Variants in STK3 observed in about 807,000 individuals in gnomAD.
STK3 encodes serine/threonine kinase 3.
Under a neutral mutation model 58.0 loss-of-function variants are expected in STK3, and 41 were observed. The observed-to-expected ratio is 0.71, with a 90% CI of 0.55 to 0.92. The LOEUF is 0.92. Among genes scored for constraint, STK3 ranks in the 40% least tolerant of loss-of-function variants. The pLI is 0.00. For synonymous variants in STK3, 170 were observed against 191.0 expected (o/e 0.89, Z 0.91); for missense variants, 479 against 602.7 (o/e 0.79, Z 2.15).
At chr8:98,547,112 T>C (rs932512519) in intron 9 of STK3, among the ~76,000 whole-genome samples, 5 of 152,218 alleles carry the variant, frequency 3.3e-5, no homozygotes, top group Non-Finnish European at 7.4e-5. Flanking sequence ...CTAGAAGTCA[T>C]GTAATTCTGC....
Position 98,386,443 on chromosome 8 carries a change from T to C in STK3, n.56+1749A>G, listed in dbSNP as rs530742706. On this transcript the variant is annotated intron_variant and non_coding_transcript_variant, in intron 1 of 2. Transcript: ENST00000518704. ...ATTTCTATATACCACTATGAAGTGA[T>C]TTTAAGAACATACTATTAAAAGTGG... Among the ~76,000 whole-genome samples, 18 of 152,316 alleles carry C rather than the reference T, an allele frequency of 1.2e-4. No homozygotes were observed. In the South Asian group the frequency reaches 3.7e-3, roughly 32 times the overall value.
intron 1 of STK3, among the ~76,000 whole-genome samples, chr8:98,444,843 A>C (rs1818866993): frequency 6.6e-6 from 1 of 152,204 alleles, no homozygotes; most frequent in Non-Finnish European, 1.5e-5. Context: ...TAAATATTAA[A>C]AACATCACAA....
chr8:98,389,981 C>A (rs77321572), upstream of STK3, among the ~76,000 whole-genome samples: 2,949 of 152,068 alleles, frequency 0.019, 95 homozygotes, highest in African/African-American at 0.066. Flanking sequence ...CCCCCCTTTC[C>A]CCACAGCACT....
At chr8:98,551,423 G>A (rs1586840956) in intron 8 of STK3, among the ~76,000 whole-genome samples, 1 of 152,120 alleles carries the variant, frequency 6.6e-6, no homozygotes, top group Non-Finnish European at 1.5e-5. Flanking sequence ...GTTTGTGAAA[G>A]TTGTCAGAAT....
intron 6 of STK3, among the ~76,000 whole-genome samples, chr8:98,619,711 A>T (rs1296568675): frequency 6.9e-6 from 1 of 144,872 alleles, no homozygotes; most frequent in Non-Finnish European, 1.5e-5. Flanking sequence ...AAATACATGA[A>T]AAAATGCTCA....
At chr8:98,617,689 A>G (rs1817878402) in intron 6 of STK3, among the ~76,000 whole-genome samples, 3 of 151,770 alleles carry the variant, frequency 2.0e-5, no homozygotes, top group African/African-American at 4.8e-5. Context: ...AAACACCTCT[A>G]TGCAAATAAA....
intron 1 of STK3, among the ~76,000 whole-genome samples, chr8:98,921,044 C>G (rs560043416): frequency 3.9e-5 from 6 of 152,290 alleles, no homozygotes; most frequent in African/African-American, 1.4e-4. Flanking sequence ...AAGATCTTTT[C>G]TGGGTTTCTA....
intron 4 of STK3, among the ~76,000 whole-genome samples, chr8:98,739,140 T>C (rs1159404506): frequency 6.6e-6 from 1 of 152,250 alleles, no homozygotes; most frequent in Admixed American, 6.5e-5. Context: ...TGCCTGCCTC[T>C]GTAGGCTCCA....
chr8:98,577,686 G>A (rs1178346696), intron 8 of STK3, among the ~76,000 whole-genome samples: 2 of 152,110 alleles, frequency 1.3e-5, no homozygotes, highest in Non-Finnish European at 2.9e-5. Context: ...CTGCAGCTCT[G>A]ATGAACACTT....
intron 6 of STK3, among the ~76,000 whole-genome samples, chr8:98,668,031 G>A (rs1326127951): frequency 6.6e-6 from 1 of 151,982 alleles, no homozygotes; most frequent in African/African-American, 2.4e-5. Context: ...CAGTTTCAGT[G>A]ACAAAATACA....
At chr8:98,703,709 C>T (rs1377292976) in intron 6 of STK3, among the ~76,000 whole-genome samples, 1 of 152,128 alleles carries the variant, frequency 6.6e-6, no homozygotes, top group Non-Finnish European at 1.5e-5. Context: ...TTCTAAGACA[C>T]TCATTCATTA....
intron 1 of STK3, among the ~76,000 whole-genome samples, chr8:98,930,000 C>A (rs1460686745): frequency 6.6e-6 from 1 of 152,200 alleles, no homozygotes; most frequent in African/African-American, 2.4e-5. Context: ...TATAACCTTT[C>A]TCAAACTTAT....
chr8:98,790,044 A>AC (rs1363268046), intron 1 of STK3, among the ~76,000 whole-genome samples: 2 of 151,206 alleles, frequency 1.3e-5, no homozygotes, highest in Non-Finnish European at 2.9e-5. Context: ...AAAAAAAAAA[A>AC]AAAGTCCAGG....
rs778927027 is a variant in STK3 at position 98,603,824 on chromosome 8, T to TAG, written c.685-7657_685-7656dup. Among the ~76,000 whole-genome samples, 5 of 151,934 alleles carry TAG rather than the reference T, an allele frequency of 3.3e-5. No individual in the cohort carries two copies. The East Asian group carries it at 7.7e-4, about 23-fold the overall frequency. On this transcript the variant is annotated intron_variant, in intron 6 of 10. Coordinates refer to ENST00000419617, the MANE Select transcript of STK3 (RefSeq NM_006281.4). ...GGAAGGGAAGGAGGGAAAGATGATG[T>TAG]AGAGAGATAGAATGAATAATGCCCC...
At chr8:98,723,163 C>T (rs1827558945) in intron 4 of STK3, among the ~76,000 whole-genome samples, 1 of 151,986 alleles carries the variant, frequency 6.6e-6, no homozygotes, top group African/African-American at 2.4e-5. Flanking sequence ...GTCTGTTTTG[C>T]TGTATTTTTT....
intron 2 of STK3, among the ~76,000 whole-genome samples, chr8:98,771,598 T>C (rs545323390): frequency 5.3e-5 from 8 of 152,236 alleles, no homozygotes; most frequent in African/African-American, 1.9e-4. Context: ...AGAGTCATGC[T>C]GTGTCACCCA....
chr8:98,561,188 A>C (rs975623944), intron 8 of STK3, among the ~76,000 whole-genome samples: 7 of 152,040 alleles, frequency 4.6e-5, no homozygotes, highest in Non-Finnish European at 8.8e-5. Flanking sequence ...AAGAGCTCAG[A>C]AACAGACCTA....
intron 1 of STK3, among the ~76,000 whole-genome samples, chr8:98,790,047 A>AAAT (rs58416322): frequency 6.7e-6 from 1 of 150,310 alleles, no homozygotes. Context: ...AAAAAAAAAA[A>AAAT]GTCCAGGACT....
intron 10 of STK3, among the ~76,000 whole-genome samples, chr8:98,483,927 G>A (rs1822035225): frequency 1.3e-5 from 2 of 152,086 alleles, no homozygotes; most frequent in Admixed American, 1.3e-4. Flanking sequence ...GAACACAGAC[G>A]GGTAGGACAG....
Sources: allele counts gnomAD v4.1 joint callset (sites outside exome capture counted in the v4.1 genomes callset), GRCh38; gene constraint gnomAD v4.1.1; transcripts MANE v1.5; gene names NCBI Gene and HGNC (gene_info 2026-07-23, HGNC 2026-07-21).